The following SOX5 variants were observed in gnomAD, a reference collection of about 807,000 sequenced individuals.
SOX5 encodes SRY-box transcription factor 5.
A neutral mutation model predicts 92.0 loss-of-function variants in SOX5; 9 were observed. The ratio of observed to expected loss-of-function variants is 0.10; its 90% confidence interval spans 0.06 to 0.17. SOX5 has a LOEUF of 0.17. Among genes scored for constraint, SOX5 ranks in the 10% least tolerant of loss-of-function variants. SOX5 has a pLI of 1.00. For missense variants in SOX5, 642 were observed against 944.5 expected (o/e 0.68, Z 4.20); for synonymous variants, 344 against 336.3 (o/e 1.02, Z -0.25).
chr12:23,769,971 T>C (rs2094871289), intron 3 of SOX5, among the ~76,000 whole-genome samples: 1 of 151,940 alleles, frequency 6.6e-6, no homozygotes, highest in Non-Finnish European at 1.5e-5. Flanking sequence ...GATGGCCGGG[T>C]GTATTTTCCA....
chr12:24,040,792 A>G (rs1956442778), intron 4 of SOX5, among the ~76,000 whole-genome samples: 1 of 152,036 alleles, frequency 6.6e-6, no homozygotes, highest in African/African-American at 2.4e-5. Flanking sequence ...AGAATGGCGT[A>G]CACCTGGGAG....
At chr12:23,731,096 C>T (rs2093374812) in intron 6 of SOX5, among the ~76,000 whole-genome samples, 1 of 152,202 alleles carries the variant, frequency 6.6e-6, no homozygotes, top group African/African-American at 2.4e-5. Context: ...GACTGGGATA[C>T]ACTCTTCTTC....
intron 3 of SOX5, among the ~76,000 whole-genome samples, chr12:23,824,865 T>C (rs1001452669): frequency 6.6e-6 from 1 of 152,210 alleles, no homozygotes; most frequent in African/African-American, 2.4e-5. Context: ...GTCTGAATTT[T>C]CCGGCAGCTT....
At chr12:24,076,256 G>A (rs1942577702) in intron 4 of SOX5, among the ~76,000 whole-genome samples, 1 of 152,060 alleles carries the variant, frequency 6.6e-6, no homozygotes, top group African/African-American at 2.4e-5. Flanking sequence ...GACGGACCTT[G>A]TAAACCCACA....
At chr12:23,940,615 TG>T (rs1789017361) in intron 1 of SOX5, among the ~76,000 whole-genome samples, 2 of 151,282 alleles carry the variant, frequency 1.3e-5, no homozygotes, top group South Asian at 4.1e-4. Flanking sequence ...AACTAGAACT[TG>T]AGATCTTAAC....
At chr12:23,785,549 TAAGA>T (rs1001453614) in intron 3 of SOX5, among the ~76,000 whole-genome samples, 5 of 152,196 alleles carry the variant, frequency 3.3e-5, no homozygotes, top group African/African-American at 4.8e-5. Flanking sequence ...CCTGCCTTCC[TAAGA>T]AAGAATGCAT....
chr12:23,946,190 T>C (rs1311085432), intron 1 of SOX5, among the ~76,000 whole-genome samples: 5 of 152,156 alleles, frequency 3.3e-5, no homozygotes, highest in Non-Finnish European at 2.9e-5. Context: ...CTGCTGTCTG[T>C]TGTCTGCACC....
rs2136519551 is a variant in SOX5, at chr12:24,393,464, TA to T, written c.-250-24826del. Reference sequence around the variant, plus strand: ...CAAGGGCTTGGAGGATAATCAGCTTTAGGGTCATCTGTACTGAGTCTACCAC... The same window carrying T: ...CAAGGGCTTGGAGGATAATCAGCTTTGGGTCATCTGTACTGAGTCTACCAC... On this transcript the variant is annotated intron_variant, in intron 1 of 4. Coordinates refer to the SOX5 transcript ENST00000446891. This position sits in a 1 kb window ranked among gnomAD's most constrained non-coding sequence, Gnocchi z 5.0. 6.6e-6 allele frequency among the ~76,000 whole-genome samples: 1 copy of T among 152,304 alleles called. No homozygotes were observed. The highest frequency in any genetic ancestry group is 2.4e-5 in the African/African-American group (1 of 41,562).
intron 1 of SOX5, among the ~76,000 whole-genome samples, chr12:24,488,147 T>C (rs1426849529): frequency 1.3e-5 from 2 of 151,992 alleles, no homozygotes; most frequent in Non-Finnish European, 2.9e-5. Flanking sequence ...CATGGATCTA[T>C]TCAAGTGTGA....
rs1217307238 is a variant in SOX5, at chr12:24,238,065, T to C, written c.-76-24648A>G. ...CAAGGTACCAAGAATAAAGAGCAAG[T>C]GCAAATTATTTATTTTCTTACTTTT... On this transcript the variant is annotated intron_variant, in intron 3 of 4. Transcript: ENST00000446891. The C allele has an allele frequency of 3.3e-5, 5 of 152,180 alleles. No individual in the cohort carries two copies. In the East Asian group the frequency reaches 5.8e-4, roughly 18 times the overall value. 9.4% of individuals were successfully genotyped at this position (152,180 alleles called of 1,614,324 possible).
At chr12:24,524,114 A>G (rs1950488416) in intron 1 of SOX5, among the ~76,000 whole-genome samples, 1 of 152,236 alleles carries the variant, frequency 6.6e-6, no homozygotes, top group African/African-American at 2.4e-5. Context: ...CAGTGGACAG[A>G]GTGGGGAAGA....
chr12:23,580,517 T>A (rs1949898548), intron 9 of SOX5, among the ~76,000 whole-genome samples: 1 of 151,910 alleles, frequency 6.6e-6, no homozygotes, highest in African/African-American at 2.4e-5. Flanking sequence ...TGCTAAAGAG[T>A]GGTTTGGACT....
intron 2 of SOX5, among the ~76,000 whole-genome samples, chr12:24,333,510 T>G (rs1951560155): frequency 6.6e-6 from 1 of 152,034 alleles, no homozygotes; most frequent in Non-Finnish European, 1.5e-5. Context: ...TATATATTAT[T>G]TTTAAAAATT....
intron 4 of SOX5, among the ~76,000 whole-genome samples, chr12:23,990,069 A>G (rs1950424907): frequency 6.6e-6 from 1 of 152,110 alleles, no homozygotes; most frequent in East Asian, 1.9e-4. Context: ...GAGAGAGAAA[A>G]AAAGGGAAAG....
intron 3 of SOX5, among the ~76,000 whole-genome samples, chr12:23,810,372 C>G (rs1037117559): frequency 1.3e-5 from 2 of 152,084 alleles, no homozygotes; most frequent in Non-Finnish European, 2.9e-5. Context: ...CTTTAAAAAG[C>G]CCACAAATTG....
At chr12:24,180,393 T>C (rs1459501947) in intron 4 of SOX5, among the ~76,000 whole-genome samples, 1 of 152,180 alleles carries the variant, frequency 6.6e-6, no homozygotes, top group Non-Finnish European at 1.5e-5. Context: ...TAAATATATA[T>C]ATGTCTTGTA....
At chr12:23,968,060 C>T (rs919108887) in intron 4 of SOX5, among the ~76,000 whole-genome samples, 1 of 152,144 alleles carries the variant, frequency 6.6e-6, no homozygotes, top group African/African-American at 2.4e-5. Context: ...ATAGGGCACA[C>T]AATCAGAGAT....
At chr12:24,125,584 G>A (rs1173025942) in intron 4 of SOX5, among the ~76,000 whole-genome samples, 1 of 152,068 alleles carries the variant, frequency 6.6e-6, no homozygotes, top group Non-Finnish European at 1.5e-5. Context: ...AGCAGTAAAA[G>A]GAAAACTTAG....
intron 1 of SOX5, among the ~76,000 whole-genome samples, chr12:24,544,821 T>C (rs904305202): frequency 6.6e-6 from 1 of 152,246 alleles, no homozygotes; most frequent in Non-Finnish European, 1.5e-5. Context: ...ATTTGGTACA[T>C]AACTTATGCT....
Sources: allele counts gnomAD v4.1 joint callset (sites outside exome capture counted in the v4.1 genomes callset), GRCh38; gene constraint gnomAD v4.1.1; non-coding constraint Gnocchi (gnomAD v3.1); transcripts MANE v1.5; gene names NCBI Gene and HGNC (gene_info 2026-07-23, HGNC 2026-07-21).